NRG1: variants seen among roughly 807,000 people sequenced by gnomAD.
NRG1 encodes neuregulin 1.
A neutral mutation model predicts 63.8 loss-of-function variants in NRG1; 18 were observed. The observed-to-expected ratio is 0.28, with a 90% CI of 0.19 to 0.42. The LOEUF is 0.42. Ranked by LOEUF, NRG1 falls within the 10% of genes least tolerant of loss-of-function variation. The pLI is 1.00. For synonymous variants in NRG1, 302 were observed against 301.3 expected, an observed-to-expected ratio of 1.00 and a Z score of -0.02; for missense variants, 762 against 814.7, an observed-to-expected ratio of 0.94 and a Z score of 0.79.
chr8:31,690,657 A>G (rs1408514934), intron 1 of NRG1, among the ~76,000 whole-genome samples: 1 of 152,252 alleles, frequency 6.6e-6, no homozygotes, highest in African/African-American at 2.4e-5. Context: ...GATGCGCTAT[A>G]CTTGGAAGAT....
chr8:32,276,515 T>G (rs1852110758), intron 1 of NRG1, among the ~76,000 whole-genome samples: 1 of 152,170 alleles, frequency 6.6e-6, no homozygotes, highest in African/African-American at 2.4e-5. Flanking sequence ...TTGAGGCTTT[T>G]CTTTTTATGA....
intron 2 of NRG1, among the ~76,000 whole-genome samples, chr8:32,602,919 C>A (rs987039349): frequency 6.6e-6 from 1 of 151,948 alleles, no homozygotes; most frequent in Admixed American, 6.6e-5. Context: ...AAATTCAGCC[C>A]CAAAATTAAT....
At chr8:31,802,042 C>T (rs1821840919) in intron 1 of NRG1, among the ~76,000 whole-genome samples, 2 of 152,164 alleles carry the variant, frequency 1.3e-5, no homozygotes, top group East Asian at 1.9e-4. Context: ...AATTCATCAC[C>T]GGTATTAAAC....
intron 1 of NRG1, among the ~76,000 whole-genome samples, chr8:32,212,603 C>A (rs1844809960): frequency 6.6e-6 from 1 of 151,932 alleles, no homozygotes; most frequent in South Asian, 2.1e-4. Flanking sequence ...TTATATAAAC[C>A]AGATTTTATT....
chr8:32,354,976 A>T (rs2129480163), intron 1 of NRG1, among the ~76,000 whole-genome samples: 1 of 152,050 alleles, frequency 6.6e-6, no homozygotes, highest in African/African-American at 2.4e-5. Context: ...TAAATTGCAG[A>T]CTAATCTAAA....
rs372876816 is a variant in NRG1, at chr8:31,712,938, C to G, written c.37+73507C>G. On this transcript the variant is annotated intron_variant, in intron 1 of 10. Transcript: ENST00000519301. ...TTCAATCTGTCTGTCTATTATGAATCAATCAATCAATCAATCAATCAGTCA... is the reference window on the plus strand; with the variant it reads ...TTCAATCTGTCTGTCTATTATGAATGAATCAATCAATCAATCAATCAGTCA... 4.9e-4 allele frequency among the ~76,000 whole-genome samples: 73 copies of G among 150,276 alleles called. 1 individual carries two copies. The highest frequency in any genetic ancestry group is 7.8e-4 in the Non-Finnish European group (53 of 67,864).
rs773424274 is a variant in NRG1 at position 31,640,428 on chromosome 8, G to T, written c.37+997G>T. The T allele has an allele frequency of 1.3e-4, 195 of 1,509,152 alleles. No homozygotes were observed. The highest frequency in any genetic ancestry group is 1.6e-4 in the Non-Finnish European group (185 of 1,128,362). The allele number at this position is 1,509,152 out of a possible 1,614,324, so 93.5% of individuals were successfully genotyped here. A position where few individuals can be genotyped will look rare whatever the true frequency, so the allele number is the denominator to read the frequency against. On this transcript the variant is annotated intron_variant, in intron 1 of 10. Coordinates refer to the NRG1 transcript ENST00000519301. The surrounding 1 kb of genome is among the most constrained non-coding windows in gnomAD (Gnocchi z 6.3). ...TGCCCTCTTGGCCCACCGCCCCGGT[G>T]CCCAGCGCCGGCGAGCCCGGGGAGG...
At chr8:31,753,347 C>T (rs1281289521) in intron 1 of NRG1, among the ~76,000 whole-genome samples, 1 of 145,652 alleles carries the variant, frequency 6.9e-6, no homozygotes, top group African/African-American at 2.5e-5. Flanking sequence ...AAAAAAAAAC[C>T]TGAGAGATGA....
chr8:31,983,969 A>C (rs1437034208), intron 1 of NRG1, among the ~76,000 whole-genome samples: 4 of 152,042 alleles, frequency 2.6e-5, no homozygotes, highest in African/African-American at 4.8e-5. Flanking sequence ...TCACCTTTTG[A>C]TATCGTTGCT....
chr8:32,273,778 G>C (rs1851800024), intron 1 of NRG1, among the ~76,000 whole-genome samples: 1 of 152,152 alleles, frequency 6.6e-6, no homozygotes, highest in Non-Finnish European at 1.5e-5. Context: ...AAACTTTAAA[G>C]GTAATGTATT....
At chr8:32,068,138 T>C (rs980651577) in intron 1 of NRG1, among the ~76,000 whole-genome samples, 1 of 151,320 alleles carries the variant, frequency 6.6e-6, no homozygotes. Context: ...AAGGCCTGAG[T>C]TCTCATCATT....
At chr8:32,660,753 G>T (rs889621972) in intron 5 of NRG1, among the ~76,000 whole-genome samples, 1 of 152,154 alleles carries the variant, frequency 6.6e-6, no homozygotes, top group Non-Finnish European at 1.5e-5. Flanking sequence ...TTCCTCAGGG[G>T]CTTTTTGTGA....
At chr8:32,331,403 C>A (rs974124235) in intron 1 of NRG1, among the ~76,000 whole-genome samples, 6 of 148,450 alleles carry the variant, frequency 4.0e-5, no homozygotes, top group African/African-American at 1.5e-4. Flanking sequence ...TGGTGATATG[C>A]CCCTGTTGTC....
chr8:31,733,170 A>G (rs7817550), intron 1 of NRG1, among the ~76,000 whole-genome samples: 31,927 of 149,924 alleles, frequency 0.21, 3,789 homozygotes, highest in Non-Finnish European at 0.25. Context: ...TTATGGCTGA[A>G]TAGCATTCCA....
At chr8:32,463,333 A>G (rs996555513) in intron 1 of NRG1, among the ~76,000 whole-genome samples, 2 of 152,222 alleles carry the variant, frequency 1.3e-5, no homozygotes, top group African/African-American at 4.8e-5. Context: ...TTGCTGGATC[A>G]TATGGTAGCA....
Position 32,027,464 on chromosome 8 carries a change from C to G in NRG1, c.37+388033C>G, listed in dbSNP as rs1294096773. Among the ~76,000 whole-genome samples the G allele has an allele frequency of 2.3e-5, 3 of 130,862 alleles. 1 individual carries two copies. Among genetic ancestry groups the G allele is most frequent in the Non-Finnish European group, 3.3e-5 (2 of 60,788 alleles). 85.9% of individuals were successfully genotyped at this position (130,862 alleles called of 152,430 possible). ...TCCTTCCTTCCTTCCTTCCTTCCTT[C>G]CTTCCCTCCCTCCCTCCCTCCCTAA... On this transcript the variant is annotated intron_variant, in intron 1 of 10. Transcript: ENST00000519301.
intron 1 of NRG1, among the ~76,000 whole-genome samples, chr8:31,695,002 A>G (rs2131152485): frequency 6.6e-6 from 1 of 152,322 alleles, no homozygotes; most frequent in East Asian, 1.9e-4. Context: ...GTAATTTACG[A>G]AGCAAAGAGG....
chr8:31,898,093 C>G (rs1423235962), intron 1 of NRG1, among the ~76,000 whole-genome samples: 2 of 151,662 alleles, frequency 1.3e-5, no homozygotes, highest in Non-Finnish European at 2.9e-5. Context: ...TCAAATTGTC[C>G]CCCCTTTTCA....
At chr8:31,837,139 A>G (rs980793506) in intron 1 of NRG1, among the ~76,000 whole-genome samples, 2 of 152,068 alleles carry the variant, frequency 1.3e-5, no homozygotes, top group African/African-American at 4.8e-5. Context: ...GAGCTTTTAT[A>G]TATAAGACAA....
Sources: gnomAD v4.1 joint callset for allele counts (sites outside exome capture counted in the v4.1 genomes callset) on GRCh38, gnomAD v4.1.1 for gene constraint, Gnocchi (gnomAD v3.1) non-coding constraint, MANE v1.5 for transcripts, NCBI Gene and HGNC (gene_info 2026-07-23, HGNC 2026-07-21) for gene names.